Variants in UST observed in about 807,000 individuals in gnomAD.
UST encodes chondroitin sulfate 2-O-sulfotransferase.
A neutral mutation model predicts 45.6 loss-of-function variants in UST; 21 were observed. The ratio of observed to expected loss-of-function variants is 0.46; its 90% CI spans 0.33 to 0.66. UST has a LOEUF of 0.66. Among genes scored for constraint, UST ranks in the 30% least tolerant of loss-of-function variants. UST has a pLI of 0.02. For synonymous variants in UST, 215 were observed against 200.6 expected, an observed-to-expected ratio of 1.07 and a Z score of -0.61; for missense variants, 463 against 512.4, an observed-to-expected ratio of 0.90 and a Z score of 0.93.
intron 7 of UST, among the ~76,000 whole-genome samples, chr6:149,049,931 T>TCTCTCTCTCA (rs1475301439): frequency 7.4e-6 from 1 of 134,546 alleles, no homozygotes; most frequent in East Asian, 2.1e-4. Context: ...TCTCTCTCTC[T>TCTCTCTCTCA]CACACACACA....
intron 1 of UST, among the ~76,000 whole-genome samples, chr6:148,843,751 A>G (rs1582846892): frequency 6.6e-6 from 1 of 152,234 alleles, no homozygotes; most frequent in African/African-American, 2.4e-5. Context: ...GCAAGTTCAA[A>G]TACATTTGTA....
At chr6:149,035,440 G>A (rs893534697) in intron 7 of UST, among the ~76,000 whole-genome samples, 11 of 152,178 alleles carry the variant, frequency 7.2e-5, no homozygotes, top group South Asian at 2.1e-4. Context: ...TCTGTCTTTC[G>A]TTTTAAGAGT....
intron 1 of UST, among the ~76,000 whole-genome samples, chr6:148,832,681 G>C (rs1056361148): frequency 1.3e-5 from 2 of 152,180 alleles, no homozygotes; most frequent in African/African-American, 4.8e-5. Context: ...ATTGGAAAGT[G>C]AATTAGAAAA....
intron 1 of UST, among the ~76,000 whole-genome samples, chr6:148,789,465 A>T (rs1406529515): frequency 3.4e-4 from 51 of 151,552 alleles, no homozygotes; most frequent in Middle Eastern, 3.4e-3. Flanking sequence ...ACACACACAC[A>T]CACACACACA....
At chr6:148,783,703 T>G (rs913891922) in intron 1 of UST, among the ~76,000 whole-genome samples, 1 of 152,218 alleles carries the variant, frequency 6.6e-6, no homozygotes, top group African/African-American at 2.4e-5. Flanking sequence ...CCCCTAAGCA[T>G]GTTCTTAACG....
chr6:148,775,645 G>GT (rs1776519239), intron 1 of UST, among the ~76,000 whole-genome samples: 1 of 144,820 alleles, frequency 6.9e-6, no homozygotes, highest in South Asian at 2.2e-4. Flanking sequence ...TTTTTGGGGC[G>GT]GGGAGAGAGT....
chr6:148,754,143 C>T (rs1288448724), intron 1 of UST, among the ~76,000 whole-genome samples: 7 of 151,782 alleles, frequency 4.6e-5, no homozygotes, highest in African/African-American at 9.7e-5. Flanking sequence ...TACAGGCGGC[C>T]GCCACCATGC....
chr6:148,855,835 G>T (rs1210199735), intron 1 of UST, among the ~76,000 whole-genome samples: 1 of 152,148 alleles, frequency 6.6e-6, no homozygotes, highest in East Asian at 1.9e-4. Flanking sequence ...CAGATGCTGG[G>T]CAATACAGTT....
chr6:148,808,639 A>G (rs1022487425), intron 1 of UST, among the ~76,000 whole-genome samples: 8 of 152,176 alleles, frequency 5.3e-5, no homozygotes, highest in Admixed American at 4.6e-4. Context: ...GCGTTGGGAT[A>G]TGGGTGGATT....
intron 5 of UST, among the ~76,000 whole-genome samples, chr6:148,988,311 T>A (rs1290997334): frequency 1.3e-5 from 2 of 152,214 alleles, no homozygotes; most frequent in East Asian, 3.9e-4. Context: ...CGGTGGCTCA[T>A]GCCTGTAAGT....
intron 1 of UST, among the ~76,000 whole-genome samples, chr6:148,754,624 T>C (rs2114646833): frequency 6.6e-6 from 1 of 152,346 alleles, no homozygotes; most frequent in South Asian, 2.1e-4. Context: ...GTATTTGTGT[T>C]GTTGAGTTGT....
chr6:148,951,055 G>A (rs1780354138), intron 3 of UST, among the ~76,000 whole-genome samples: 1 of 152,226 alleles, frequency 6.6e-6, no homozygotes, highest in African/African-American at 2.4e-5. Context: ...TTCTGAAAGA[G>A]GGAACTTAAA....
chr6:148,863,339 C>T (rs960770792), intron 1 of UST, among the ~76,000 whole-genome samples: 7 of 152,196 alleles, frequency 4.6e-5, no homozygotes, highest in Non-Finnish European at 1.0e-4. Context: ...CCATGGTTTT[C>T]AGCTCCATCA....
intron 1 of UST, among the ~76,000 whole-genome samples, chr6:148,849,066 C>G (rs1255729992): frequency 6.6e-6 from 1 of 152,186 alleles, no homozygotes; most frequent in Non-Finnish European, 1.5e-5. Flanking sequence ...TGCCCTTCCT[C>G]CTCCTTTTTG....
intron 2 of UST, among the ~76,000 whole-genome samples, chr6:148,888,587 A>G (rs1386796662): frequency 6.6e-6 from 1 of 152,238 alleles, no homozygotes; most frequent in Non-Finnish European, 1.5e-5. Context: ...CAGGATGCCT[A>G]AAATGATTGA....
chr6:148,830,703 A>G (rs1017333609), intron 1 of UST, among the ~76,000 whole-genome samples: 2 of 152,264 alleles, frequency 1.3e-5, no homozygotes, highest in Admixed American at 6.5e-5. Flanking sequence ...AAGGAGCAAG[A>G]TGCAAAAAGA....
intron 2 of UST, among the ~76,000 whole-genome samples, chr6:148,914,287 A>C (rs1779539180): frequency 6.6e-6 from 1 of 152,006 alleles, no homozygotes; most frequent in African/African-American, 2.4e-5. Context: ...AGAGTTCAGA[A>C]ATCTTACCCG....
At chr6:148,987,466 C>T (rs1359537726) in intron 5 of UST, among the ~76,000 whole-genome samples, 1 of 152,082 alleles carries the variant, frequency 6.6e-6, no homozygotes, top group East Asian at 1.9e-4. Context: ...AGGCTCACTG[C>T]AGACTGTGTA....
At chr6:148,984,877 T>A (rs1467722588) in intron 5 of UST, among the ~76,000 whole-genome samples, 4 of 152,216 alleles carry the variant, frequency 2.6e-5, no homozygotes, top group Admixed American at 6.5e-5. Context: ...CTATTTTGGT[T>A]TGAAATAGGA....
Sources: allele counts gnomAD v4.1 joint callset (sites outside exome capture counted in the v4.1 genomes callset), GRCh38; gene constraint gnomAD v4.1.1; transcripts MANE v1.5; gene names NCBI Gene and HGNC (gene_info 2026-07-23, HGNC 2026-07-21).